Variants in NDRG1 observed in about 807,000 individuals in gnomAD.
The protein encoded by NDRG1 is protein NDRG1.
NDRG1 carries 32 observed loss-of-function variants against 56.9 expected under a neutral mutation model. That is an observed-to-expected ratio of 0.56 (90% CI 0.42 to 0.76). The LOEUF (loss-of-function observed/expected upper bound fraction) is 0.76. Among genes scored for constraint, NDRG1 ranks in the 30% least tolerant of loss-of-function variants. The pLI is 0.00. For synonymous variants in NDRG1, 211 were observed against 204.1 expected, an observed-to-expected ratio of 1.03 and a Z score of -0.29; for missense variants, 507 against 545.7, an observed-to-expected ratio of 0.93 and a Z score of 0.71.
chr8:133,256,789 C>T lies in NDRG1; in HGVS notation c.525G>A (p.Trp175Ter). The T allele has an allele frequency of 6.2e-7, 1 of 1,614,168 alleles. No homozygotes were observed. Among genetic ancestry groups the T allele is most frequent in the Non-Finnish European group, 8.5e-7 (1 of 1,180,038 alleles). ...GCCCCCACCTCACCTTGGAGGCGGC[C>T]CAGTCCATCCAGCCTTCCGCACAAG... ...VNPCAEGWMDWAASKISGWTQ... is the reference protein window; with the variant it reads ...VNPCAEGWMD Residue 175 changes from tryptophan (W) to a stop codon, truncating the protein, a stop_gained, in exon 8 of 16, where the codon TGG becomes TGA. Coordinates refer to ENST00000323851, the MANE Select transcript of NDRG1 (RefSeq NM_006096.4). LOFTEE classifies it high-confidence loss of function.
Position 133,250,474 on chromosome 8 carries a change from CG to C in NDRG1, c.663del (p.Gly222AlafsTer99). On this transcript the variant is annotated frameshift_variant, in exon 10 of 16. Transcript: ENST00000323851. LOFTEE classifies it high-confidence loss of function. ...GCATTGATGAACAGGTGCAGGTTGC[CG>C]GGGTTCATGTCATTCACAATGTGCT... ...YRQHIVNDMN[P>X]GNLHLFINAY... 1.2e-6 allele frequency: 2 copies of C among 1,614,064 alleles called. No individual in the cohort carries two copies. The highest frequency in any genetic ancestry group is 2.2e-5 in the South Asian group (2 of 91,070).
At chr8:133,296,473 A>G in intron 1 of NDRG1, 1 of 454,456 alleles carries the variant, frequency 2.2e-6, no homozygotes, top group Non-Finnish European at 4.4e-6. Context: ...CACACCCTGG[A>G]CCCTCCCCCC....
Position 133,242,548 on chromosome 8 carries a change from G to A in NDRG1, c.892-474C>T, listed in dbSNP as rs146063837. Among the ~76,000 whole-genome samples the A allele has an allele frequency of 3.2e-3, 490 of 152,290 alleles. 2 individuals carry two copies. Among genetic ancestry groups the A allele is most frequent in the African/African-American group, 0.011 (457 of 41,566 alleles). On this transcript the variant is annotated intron_variant, in intron 14 of 15. Transcript: ENST00000323851. Reference sequence around the variant, plus strand: ...ATTTGGACAGGTAAATCCACTCAGGGTCCCACAACAAGTAAGTGGTGGGTC... The same window carrying A: ...ATTTGGACAGGTAAATCCACTCAGGATCCCACAACAAGTAAGTGGTGGGTC...
chr8:133,269,522 C>T (rs569438627), intron 3 of NDRG1, among the ~76,000 whole-genome samples: 7 of 152,326 alleles, frequency 4.6e-5, no homozygotes, highest in African/African-American at 1.4e-4. Flanking sequence ...ATTAAATACA[C>T]GGAACAACCA....
At chr8:133,253,184 G>C (rs893178457) in intron 9 of NDRG1, among the ~76,000 whole-genome samples, 2 of 152,238 alleles carry the variant, frequency 1.3e-5, no homozygotes, top group African/African-American at 4.8e-5. Flanking sequence ...CCAGTGTCTG[G>C]GGCCAGGCAG....
intron 3 of NDRG1, among the ~76,000 whole-genome samples, chr8:133,268,025 G>A (rs959455995): frequency 2.0e-5 from 3 of 152,164 alleles, no homozygotes; most frequent in African/African-American, 7.2e-5. Flanking sequence ...CTCTTTGAAG[G>A]TCTTAAAATT....
At position 133,237,315 on chromosome 8, in the gene NDRG1, A is replaced by G. The variant is rs1404311324; in HGVS notation, c.*1563T>C. 4.3e-6 allele frequency: 1 copy of G among 231,910 alleles called. No individual in the cohort carries two copies. Among genetic ancestry groups the G allele is most frequent in the Non-Finnish European group, 8.5e-6 (1 of 117,304 alleles). 14.4% of individuals were successfully genotyped at this position (231,910 alleles called of 1,614,324 possible). A position where few individuals can be genotyped will look rare whatever the true frequency, so the allele number is the denominator to read the frequency against. ...ATCCCCGACTTTTCTACTCAAGGCC[A>G]GGGAAGGCCTCCAAGGTGATGGGCG... On this transcript the variant is annotated 3_prime_UTR_variant, in exon 16 of 16. Coordinates refer to ENST00000323851, the MANE Select transcript of NDRG1 (RefSeq NM_006096.4).
intron 3 of NDRG1, among the ~76,000 whole-genome samples, chr8:133,267,715 C>T (rs982188582): frequency 2.0e-5 from 3 of 152,170 alleles, no homozygotes; most frequent in Admixed American, 1.3e-4. Context: ...CCAGGGCAGG[C>T]GGTGTCCCCA....
At chr8:133,245,881 A>G (rs1855646561) in intron 13 of NDRG1, among the ~76,000 whole-genome samples, 1 of 152,200 alleles carries the variant, frequency 6.6e-6, no homozygotes, top group Non-Finnish European at 1.5e-5. Context: ...CCTCCCACTC[A>G]ATAAGTATCG....
chr8:133,279,967 G>A lies in NDRG1; in HGVS notation c.99+265C>T, dbSNP rs372894482. On this transcript the variant is annotated intron_variant, in intron 3 of 15. Coordinates refer to ENST00000323851, the MANE Select transcript of NDRG1 (RefSeq NM_006096.4). Reference sequence around the variant, plus strand: ...CCATTTTCCCCACACACGCCCCACCGTTCTGGCCAGCTCTTTGGGACTGAA... The same window carrying A: ...CCATTTTCCCCACACACGCCCCACCATTCTGGCCAGCTCTTTGGGACTGAA... 9.9e-4 allele frequency among the ~76,000 whole-genome samples: 151 copies of A among 152,242 alleles called. 6 individuals are homozygous for A. The South Asian group carries it at 0.029, about 30-fold the overall frequency.
intron 3 of NDRG1, among the ~76,000 whole-genome samples, chr8:133,277,629 A>T (rs1857526309): frequency 6.6e-6 from 1 of 152,240 alleles, no homozygotes; most frequent in South Asian, 2.1e-4. Flanking sequence ...TTGCACAGGA[A>T]TATGAATGTA....
chr8:133,256,431 T>C (rs910811738), intron 8 of NDRG1, among the ~76,000 whole-genome samples: 1 of 152,212 alleles, frequency 6.6e-6, no homozygotes, highest in Admixed American at 6.5e-5. Flanking sequence ...AGAAGTCTTG[T>C]TCTTCAAGAT....
chr8:133,285,074 T>G (rs1299499396), intron 1 of NDRG1, among the ~76,000 whole-genome samples: 1 of 152,046 alleles, frequency 6.6e-6, no homozygotes, highest in African/African-American at 2.4e-5. Context: ...TGCAGAAGTG[T>G]GGGCTGCAAA....
chr8:133,268,194 C>T (rs1411269208), intron 3 of NDRG1, among the ~76,000 whole-genome samples: 1 of 152,150 alleles, frequency 6.6e-6, no homozygotes, highest in African/African-American at 2.4e-5. Context: ...CTGATCCCGA[C>T]AGATGATGGT....
Position 133,264,615 on chromosome 8 carries a change from A to C in NDRG1, c.137T>G (p.Val46Gly). The C allele has an allele frequency of 6.2e-7, 1 of 1,614,240 alleles. No individual in the cohort carries two copies. The highest frequency in any genetic ancestry group is 8.5e-7 in the Non-Finnish European group (1 of 1,180,048). Residue 46 changes from valine to glycine, a missense_variant, in exon 4 of 16, where the codon GTC (valine) becomes GGC (glycine). Transcript: ENST00000323851. The stretch of plus-strand genomic sequence containing the variant: ...TCCCTTGGGAGTCCCACACAGCGTG[A>C]CGTGAACAGAGCCATGTAAAGTCTC... ...DIETLHGSVH[V>G]TLCGTPKGNR... is the part of the protein sequence containing the mutation.
At chr8:133,281,803 T>A (rs940970018) in intron 2 of NDRG1, among the ~76,000 whole-genome samples, 2 of 152,142 alleles carry the variant, frequency 1.3e-5, no homozygotes, top group Non-Finnish European at 2.9e-5. Context: ...TTGGGTAAAT[T>A]CAAGTGGAAA....
chr8:133,244,931 T>C (rs1299717924), intron 13 of NDRG1, among the ~76,000 whole-genome samples: 1 of 152,118 alleles, frequency 6.6e-6, no homozygotes, highest in Non-Finnish European at 1.5e-5. Context: ...CATTGCAGGC[T>C]GTGAGACTGT....
chr8:133,262,088 G>A lies in NDRG1; in HGVS notation c.285C>T (p.Asp95=), dbSNP rs777855380. The stretch of plus-strand genomic sequence containing the variant: ...CTGCGCCGTCCTGCTGGCCAGGGGC[G>A]TCCACGTGGCAGACGGCAAAGTGCT... ...ITQHFAVCHV[D]APGQQDGAAS... Residue 95 remains aspartate (D), a synonymous_variant, in exon 5 of 16, where the codon GAC becomes GAT. Coordinates refer to ENST00000323851, the MANE Select transcript of NDRG1 (RefSeq NM_006096.4). 3.9e-5 allele frequency: 63 copies of A among 1,614,010 alleles called. No homozygotes were observed. Among genetic ancestry groups the A allele is most frequent in the African/African-American group, 3.3e-4 (25 of 74,934 alleles).
intron 8 of NDRG1, chr8:133,254,808 A>G (rs931948553): frequency 4.0e-5 from 24 of 595,178 alleles, no homozygotes; most frequent in Non-Finnish European, 6.7e-5. Flanking sequence ...GACTATATCC[A>G]GTTCCTTATT....
Sources: gnomAD v4.1 joint callset for allele counts (sites outside exome capture counted in the v4.1 genomes callset) on GRCh38, gnomAD v4.1.1 for gene constraint, MANE v1.5 for transcripts, NCBI Gene and HGNC (gene_info 2026-07-23, HGNC 2026-07-21) for gene names.